Variants in RAB1A observed in about 807,000 individuals in gnomAD.
RAB1A encodes RAB1A, member RAS oncogene family, also known as ras-related protein Rab-1A.
A neutral mutation model predicts 26.0 loss-of-function variants in RAB1A; 2 were observed. The observed-to-expected ratio is 0.08, with a 90% CI of 0.03 to 0.24. The LOEUF (loss-of-function observed/expected upper bound fraction) is 0.24. Ranked by LOEUF, RAB1A falls within the 10% of genes least tolerant of loss-of-function variation. The pLI, the probability that RAB1A is intolerant of heterozygous loss-of-function variation, is 1.00. For missense variants in RAB1A, 100 were observed against 247.0 expected, an observed-to-expected ratio of 0.40 and a Z score of 3.99; for synonymous variants, 84 against 84.9, an observed-to-expected ratio of 0.99 and a Z score of 0.06.
chr2:65,104,480 G>A (rs1456517694), intron 2 of RAB1A, among the ~76,000 whole-genome samples: 16 of 152,176 alleles, frequency 1.1e-4, no homozygotes, highest in Admixed American at 1.0e-3. Context: ...TGGAACTGCT[G>A]TTTGACTCTG....
chr2:65,110,808 T>C (rs1157346927), intron 1 of RAB1A, among the ~76,000 whole-genome samples: 1 of 151,638 alleles, frequency 6.6e-6, no homozygotes, highest in African/African-American at 2.4e-5. Context: ...TGGTGGTCTA[T>C]GCCTGTAGTC....
chr2:65,088,952 T>C lies in RAB1A; in HGVS notation c.407A>G (p.Tyr136Cys). Residue 136 changes from tyrosine to cysteine, a missense_variant, in exon 5 of 6, where the codon TAC becomes TGC. This residue lies in a region of RAB1A where 67 missense variants were observed against 122.9 expected (regional missense o/e 0.55). Transcript: ENST00000409784. The stretch of plus-strand genomic sequence containing the variant: ...CTTTAAACATACCTTCGCTGTTGTG[T>C]AGTCTACTACTTTCTTTGTGGTCAG... The part of the protein sequence containing the change: ...CDLTTKKVVD[Y>C]TTAKEFADSL... 6.2e-7 allele frequency: 1 copy of C among 1,605,104 alleles called. No individual in the cohort carries two copies. Among genetic ancestry groups the C allele is most frequent in the East Asian group, 2.2e-5 (1 of 44,808 alleles).
At chr2:65,122,583 T>C (rs887383727) in intron 1 of RAB1A, among the ~76,000 whole-genome samples, 2 of 152,048 alleles carry the variant, frequency 1.3e-5, no homozygotes, top group African/African-American at 4.8e-5. Context: ...ACACTCAAAG[T>C]TGATTAGCAA....
intron 3 of RAB1A, among the ~76,000 whole-genome samples, chr2:65,096,390 T>C (rs1401444887): frequency 1.3e-5 from 2 of 152,100 alleles, no homozygotes; most frequent in East Asian, 1.9e-4. Flanking sequence ...CTATTAAAGA[T>C]GAAAGACAGA....
At chr2:65,120,092 T>G (rs1294423918) in intron 1 of RAB1A, among the ~76,000 whole-genome samples, 1 of 151,972 alleles carries the variant, frequency 6.6e-6, no homozygotes, top group Admixed American at 6.6e-5. Context: ...TTTTATAAAT[T>G]TAGCTATTTG....
chr2:65,103,305 A>AAAAAAAACAAACAAAC (rs1553392787), intron 2 of RAB1A, among the ~76,000 whole-genome samples: 2 of 53,252 alleles, frequency 3.8e-5, no homozygotes, highest in African/African-American at 1.3e-4. Context: ...GTCTCAAAAA[A>AAAAAAAACAAACAAAC]AAAAAAAAAC....
intron 3 of RAB1A, among the ~76,000 whole-genome samples, chr2:65,095,786 TG>T (rs773788650): frequency 7.0e-6 from 1 of 142,692 alleles, no homozygotes; most frequent in African/African-American, 2.6e-5. Context: ...CCAAGACGGG[TG>T]GATCACTTGA....
chr2:65,108,537 C>T (rs760434866), intron 1 of RAB1A, among the ~76,000 whole-genome samples: 1 of 151,988 alleles, frequency 6.6e-6, no homozygotes, highest in South Asian at 2.1e-4. Context: ...GGCACAGTGG[C>T]TCAGTGAGCC....
intron 2 of RAB1A, among the ~76,000 whole-genome samples, chr2:65,104,079 G>A (rs1669499679): frequency 6.6e-6 from 1 of 152,060 alleles, no homozygotes; most frequent in Non-Finnish European, 1.5e-5. Flanking sequence ...CACCTGGCCA[G>A]GAAACATGCT....
intron 1 of RAB1A, among the ~76,000 whole-genome samples, chr2:65,128,206 C>T (rs1172907814): frequency 6.6e-6 from 1 of 152,022 alleles, no homozygotes; most frequent in Non-Finnish European, 1.5e-5. Context: ...CTCCAATTAT[C>T]CTATTTTACA....
At position 65,129,814 on chromosome 2, in the gene RAB1A, G is replaced by A. The variant is rs921602727; in HGVS notation, c.23+79C>T. 4.5e-6 allele frequency: 7 copies of A among 1,549,378 alleles called. No individual in the cohort carries two copies. The African/African-American group carries it at 9.6e-5, about 21-fold the overall frequency. ...CACCCCAGCCGATGCCCCGACTTCT[G>A]CCCCAACCCTCCTCGACCCCTTTAA... On this transcript the variant is annotated intron_variant, in intron 1 of 5. Transcript: ENST00000409784.
At chr2:65,129,303 G>C (rs930603357) in intron 1 of RAB1A, among the ~76,000 whole-genome samples, 1 of 151,692 alleles carries the variant, frequency 6.6e-6, no homozygotes, top group African/African-American at 2.4e-5. Context: ...CTCAAAAAGA[G>C]AACTAATAAA....
chr2:65,106,087 C>CT (rs1404553571), intron 1 of RAB1A, among the ~76,000 whole-genome samples: 1 of 152,152 alleles, frequency 6.6e-6, no homozygotes, highest in African/African-American at 2.4e-5. Flanking sequence ...TTATGTATCT[C>CT]TAACATTGCC....
intron 1 of RAB1A, among the ~76,000 whole-genome samples, chr2:65,121,989 T>C (rs1669972914): frequency 6.6e-6 from 1 of 151,766 alleles, no homozygotes; most frequent in Admixed American, 6.6e-5. Flanking sequence ...TGAAACCCCA[T>C]CTCTACTAAT....
chr2:65,115,439 T>C (rs1290982380), intron 1 of RAB1A, among the ~76,000 whole-genome samples: 3 of 152,206 alleles, frequency 2.0e-5, no homozygotes, highest in Non-Finnish European at 4.4e-5. Context: ...TTAAGTATGC[T>C]CCACAGAACA....
intron 2 of RAB1A, among the ~76,000 whole-genome samples, chr2:65,103,261 C>T (rs972744446): frequency 7.9e-6 from 1 of 126,482 alleles, no homozygotes; most frequent in Non-Finnish European, 1.6e-5. Context: ...CCAGACGCCA[C>T]TGCACTCTAG....
intron 1 of RAB1A, among the ~76,000 whole-genome samples, chr2:65,112,220 A>C (rs573394081): frequency 6.8e-6 from 1 of 147,954 alleles, no homozygotes; most frequent in African/African-American, 2.5e-5. Flanking sequence ...ATCTCAGCTC[A>C]CTGCAACCTC....
intron 1 of RAB1A, among the ~76,000 whole-genome samples, chr2:65,107,122 G>T (rs1669581134): frequency 6.6e-6 from 1 of 151,750 alleles, no homozygotes; most frequent in Non-Finnish European, 1.5e-5. Flanking sequence ...CTGGAGTGCA[G>T]TGAAGCAATC....
chr2:65,094,273 G>A (rs1051330499), intron 3 of RAB1A, among the ~76,000 whole-genome samples: 15 of 152,076 alleles, frequency 9.9e-5, no homozygotes, highest in Admixed American at 4.6e-4. Context: ...CCTGGCCAAG[G>A]CCCCTATTTT....
Sources: allele counts gnomAD v4.1 joint callset (sites outside exome capture counted in the v4.1 genomes callset), GRCh38; gene constraint gnomAD v4.1.1; regional missense constraint gnomAD v4.1.1; transcripts MANE v1.5; gene names NCBI Gene and HGNC (gene_info 2026-07-23, HGNC 2026-07-21).